The following SORT1 variants were observed in gnomAD, a reference collection of about 807,000 sequenced individuals.
The protein encoded by SORT1 is sortilin.
A neutral mutation model predicts 101.7 loss-of-function variants in SORT1; 39 were observed. The ratio of observed to expected loss-of-function variants is 0.38; its 90% CI spans 0.30 to 0.50. The LOEUF is 0.50. SORT1 is among the 20% of genes least tolerant of loss of function. SORT1 has a pLI of 0.90. For missense variants in SORT1, 878 were observed against 1,040.4 expected, an observed-to-expected ratio of 0.84 and a Z score of 2.15; for synonymous variants, 396 against 393.7, an observed-to-expected ratio of 1.01 and a Z score of -0.07.
Position 109,340,716 on chromosome 1 carries a change from A to G in SORT1, c.1264+8T>C, listed in dbSNP as rs542173880. On this transcript the variant is annotated splice_region_variant and intron_variant, in intron 10 of 19. Coordinates refer to ENST00000256637, the MANE Select transcript of SORT1 (RefSeq NM_002959.7). ...GGCACAGTACACCACTGCGATGCCG[A>G]GACTCACCTTCGGAGAGCACGCTTG... The G allele has an allele frequency of 1.9e-5, 30 of 1,614,050 alleles. No individual in the cohort carries two copies. In the South Asian group the frequency reaches 3.1e-4, roughly 17 times the overall value.
At chr1:109,330,779 A>T (rs1165689436) in intron 11 of SORT1, among the ~76,000 whole-genome samples, 1 of 152,148 alleles carries the variant, frequency 6.6e-6, no homozygotes, top group Non-Finnish European at 1.5e-5. Flanking sequence ...GTAAGAGGAG[A>T]CATTATAACT....
At chr1:109,375,048 C>T (rs1362954581) in intron 1 of SORT1, among the ~76,000 whole-genome samples, 2 of 152,068 alleles carry the variant, frequency 1.3e-5, no homozygotes, top group African/African-American at 4.8e-5. Flanking sequence ...GAAGCCATAC[C>T]AACAGAAACT....
chr1:109,389,070 C>G (rs1488355189), intron 1 of SORT1, among the ~76,000 whole-genome samples: 1 of 152,208 alleles, frequency 6.6e-6, no homozygotes, highest in Non-Finnish European at 1.5e-5. Flanking sequence ...ATGCCTCATC[C>G]GTCTGCTTTA....
intron 11 of SORT1, among the ~76,000 whole-genome samples, chr1:109,330,909 T>C (rs980557023): frequency 6.6e-6 from 1 of 152,158 alleles, no homozygotes; most frequent in African/African-American, 2.4e-5. Context: ...ACCAAGACTG[T>C]ATCATGAAGA....
At chr1:109,344,898 T>C (rs1018572615) in intron 8 of SORT1, among the ~76,000 whole-genome samples, 3 of 152,096 alleles carry the variant, frequency 2.0e-5, no homozygotes, top group African/African-American at 4.8e-5. Context: ...GGTTTTGTCA[T>C]GTTGCCCAGG....
intron 14 of SORT1, among the ~76,000 whole-genome samples, chr1:109,323,546 C>T (rs1453376134): frequency 1.3e-5 from 2 of 152,186 alleles, no homozygotes; most frequent in Non-Finnish European, 2.9e-5. Flanking sequence ...ACTAATTAGC[C>T]AAGAGCACAG....
At position 109,345,788 on chromosome 1, in the gene SORT1, C is replaced by T. The variant is rs1444188793; in HGVS notation, c.926G>A (p.Gly309Glu). 1 of 1,613,750 alleles carries T rather than the reference C, an allele frequency of 6.2e-7. No individual in the cohort carries two copies. Among genetic ancestry groups the T allele is most frequent in the African/African-American group, 1.3e-5 (1 of 74,878 alleles). ...CACAGAGGCAAAAAGGAAACGTCCC[C>T]CAAGACCAAATGAGTAGATTTTCAC... is the stretch of plus-strand genomic sequence containing the variant. The part of the protein sequence containing the change: ...IGVKIYSFGL[G>E]GRFLFASVMA... The change falls in exon 8 of 20, where the codon GGG becomes GAG. Residue 309 changes from glycine to glutamate, a missense_variant. Coordinates refer to ENST00000256637, the MANE Select transcript of SORT1 (RefSeq NM_002959.7).
chr1:109,358,324 G>A (rs112362675), intron 3 of SORT1, among the ~76,000 whole-genome samples: 304 of 152,212 alleles, frequency 2.0e-3, no homozygotes, highest in African/African-American at 7.1e-3. Flanking sequence ...ATGAAGATAT[G>A]TATGGTCTCA....
At chr1:109,317,669 C>T (rs560580277) in intron 16 of SORT1, among the ~76,000 whole-genome samples, 184 bp downstream of exon 16, 14 of 152,260 alleles carry the variant, frequency 9.2e-5, no homozygotes, top group African/African-American at 3.4e-4. Context: ...CCTCTGACAC[C>T]AAGCACTCAT....
chr1:109,370,345 A>ATC (rs1651411391), intron 1 of SORT1, among the ~76,000 whole-genome samples: 1 of 152,182 alleles, frequency 6.6e-6, no homozygotes, highest in East Asian at 1.9e-4. Context: ...GTAGACAATT[A>ATC]TAAGAACGCA....
chr1:109,336,339 A>G lies in SORT1; in HGVS notation c.1272T>C (p.Ser424=). ...GGTCAAAAGTGATCATGGTCTGGAT[A>G]GAATTATCTGAATGGGAAGAGAACA... The part of the protein sequence containing the change: ...YITSVLSEDN[S]IQTMITFDQG... The change falls in exon 11 of 20, where the codon TCT becomes TCC. Residue 424 remains serine (S), a synonymous_variant. Transcript: ENST00000256637. 3 of 1,601,204 alleles carry G rather than the reference A, an allele frequency of 1.9e-6. No homozygotes were observed. The East Asian group carries it at 6.7e-5, about 36-fold the overall frequency.
intron 13 of SORT1, 30 bp downstream of exon 13, chr1:109,326,958 GCAGA>G (rs767985445): frequency 1.9e-6 from 3 of 1,542,684 alleles, no homozygotes; most frequent in Non-Finnish European, 1.8e-6. Flanking sequence ...TGCCCTCTAT[GCAGA>G]CAGTGTGTGT....
chr1:109,322,914 T>C lies in SORT1; in HGVS notation c.2024+18A>G. On this transcript the variant is annotated intron_variant, in intron 15 of 19. Coordinates refer to ENST00000256637, the MANE Select transcript of SORT1 (RefSeq NM_002959.7). ...CAACAGGGAAAGGGAGACAGAGAAA[T>C]CTGAGGAATGCTGATACCAGAGAAA... The C allele has an allele frequency of 6.3e-7, 1 of 1,595,096 alleles. No homozygotes were observed. The highest frequency in any genetic ancestry group is 1.7e-5 in the Admixed American group (1 of 59,652).
At position 109,396,479 on chromosome 1, in the gene SORT1, C is replaced by T. The variant is rs532447646; in HGVS notation, c.306+1108G>A. 2.0e-5 allele frequency among the ~76,000 whole-genome samples: 3 copies of T among 152,310 alleles called. No homozygotes were observed. The South Asian group carries it at 6.2e-4, about 32-fold the overall frequency. On this transcript the variant is annotated intron_variant, in intron 1 of 19. Coordinates refer to ENST00000256637, the MANE Select transcript of SORT1 (RefSeq NM_002959.7). ...TCCAGCACTAGCTTGGCTACCTTTA[C>T]ACAGCTGCTGCTCGGGATACACTAA...
At chr1:109,360,464 C>A (rs941359009) in intron 3 of SORT1, among the ~76,000 whole-genome samples, 4 of 151,618 alleles carry the variant, frequency 2.6e-5, no homozygotes, top group Non-Finnish European at 5.9e-5. Context: ...TCCCAAGTAG[C>A]TAGGACTACA....
rs375080257 is a variant in SORT1, at chr1:109,340,714, C to T, written c.1264+10G>A. 103 of 1,613,724 alleles carry T rather than the reference C, an allele frequency of 6.4e-5. No homozygotes were observed. The highest frequency in any genetic ancestry group is 8.8e-5 in the South Asian group (8 of 91,066). On this transcript the variant is annotated intron_variant, in intron 10 of 19. Coordinates refer to ENST00000256637, the MANE Select transcript of SORT1 (RefSeq NM_002959.7). ...AAGGCACAGTACACCACTGCGATGC[C>T]GAGACTCACCTTCGGAGAGCACGCT...
intron 5 of SORT1, among the ~76,000 whole-genome samples, chr1:109,352,936 T>G (rs1156313140): frequency 6.6e-6 from 1 of 152,190 alleles, no homozygotes; most frequent in Non-Finnish European, 1.5e-5. Context: ...TGCTTTCAGC[T>G]TAAGCGGCTG....
chr1:109,316,358 C>T (rs1241319059), intron 17 of SORT1, among the ~76,000 whole-genome samples: 1 of 152,126 alleles, frequency 6.6e-6, no homozygotes, highest in Non-Finnish European at 1.5e-5. Context: ...ACTGGGACTA[C>T]AGGCGTAAAC....
At chr1:109,337,355 TCCTGCCTCAA>T (rs139315531) in intron 10 of SORT1, among the ~76,000 whole-genome samples, 2,777 of 152,108 alleles carry the variant, frequency 0.018, 90 homozygotes, top group African/African-American at 0.064. Context: ...CAAGCAATTC[TCCTGCCTCAA>T]CCTCTGGAGT....
Sources: gnomAD v4.1 joint callset for allele counts (sites outside exome capture counted in the v4.1 genomes callset) on GRCh38, gnomAD v4.1.1 for gene constraint, MANE v1.5 for transcripts, NCBI Gene and HGNC (gene_info 2026-07-23, HGNC 2026-07-21) for gene names.